MAN2B2: variants seen among roughly 807,000 people sequenced by gnomAD.
MAN2B2 encodes mannosidase alpha class 2B member 2, also known as epididymis-specific alpha-mannosidase.
A neutral mutation model predicts 117.1 loss-of-function variants in MAN2B2; 106 were observed. That is an observed-to-expected ratio of 0.90 (90% confidence interval 0.77 to 1.06). The LOEUF (loss-of-function observed/expected upper bound fraction) is 1.06, where lower values mean the gene tolerates loss of function less well. Among genes scored for constraint, MAN2B2 ranks in the 50% least tolerant of loss-of-function variants. The pLI is 0.00. For synonymous variants in MAN2B2, 544 were observed against 595.1 expected (o/e 0.91, Z 1.25); for missense variants, 1,326 against 1,381.4 (o/e 0.96, Z 0.64).
intron 15 of MAN2B2, among the ~76,000 whole-genome samples, chr4:6,613,763 GAA>G (rs1358043811): frequency 1.5e-5 from 2 of 133,958 alleles, no homozygotes; most frequent in Non-Finnish European, 3.3e-5. Flanking sequence ...GAAAAGAAAA[GAA>G]GAGAGGGAGG....
At position 6,610,062 on chromosome 4, in the gene MAN2B2, A is replaced by T; in HGVS notation, c.2259+12A>T. 6.2e-7 allele frequency: 1 copy of T among 1,613,740 alleles called. No individual in the cohort carries two copies. The highest frequency in any genetic ancestry group is 8.5e-7 in the Non-Finnish European group (1 of 1,179,732). ...ACAGCATCGCCCGGGTATGTCCTGC[A>T]ATGCCCACAAGGCACGCTCCCAATG... On this transcript the variant is annotated intron_variant, in intron 13 of 18. Coordinates refer to ENST00000285599, the MANE Select transcript of MAN2B2 (RefSeq NM_015274.3).
chr4:6,594,494 T>C, intron 6 of MAN2B2, 40 bp from the exon 7 acceptor site: 1 of 1,602,154 alleles, frequency 6.2e-7, no homozygotes, highest in South Asian at 1.1e-5. Flanking sequence ...GCGAGCGCCC[T>C]GCTCCCACGG....
At chr4:6,616,028 T>C (rs547504404) in intron 16 of MAN2B2, among the ~76,000 whole-genome samples, 5 of 152,118 alleles carry the variant, frequency 3.3e-5, no homozygotes, top group Non-Finnish European at 7.4e-5. Flanking sequence ...GGTCTCAAAC[T>C]CCTGACAGCA....
chr4:6,601,180 T>G (rs1324304655), intron 10 of MAN2B2, among the ~76,000 whole-genome samples: 1 of 152,162 alleles, frequency 6.6e-6, no homozygotes, highest in African/African-American at 2.4e-5. Context: ...CTCAGGCAAG[T>G]GCCATACTTA....
At chr4:6,579,854 C>A (rs1726361336) in intron 3 of MAN2B2, among the ~76,000 whole-genome samples, 1 of 152,248 alleles carries the variant, frequency 6.6e-6, no homozygotes, top group Admixed American at 6.5e-5. Flanking sequence ...CACAGTGACA[C>A]CCCAGCCAAT....
At chr4:6,604,801 A>C (rs1193781946) in intron 10 of MAN2B2, among the ~76,000 whole-genome samples, 1 of 152,076 alleles carries the variant, frequency 6.6e-6, no homozygotes, top group East Asian at 1.9e-4. Flanking sequence ...AGGAGCTCCC[A>C]GTTCAGGAGG....
Position 6,587,138 on chromosome 4 carries a change from C to T in MAN2B2, c.534C>T (p.Tyr178=), listed in dbSNP as rs752562540. 1.2e-6 allele frequency: 2 copies of T among 1,613,590 alleles called. No homozygotes were observed. The highest frequency in any genetic ancestry group is 1.7e-6 in the Non-Finnish European group (2 of 1,179,914). The change falls in exon 4 of 19, where the codon TAC becomes TAT. Residue 178 remains tyrosine, a synonymous_variant. Coordinates refer to ENST00000285599, the MANE Select transcript of MAN2B2 (RefSeq NM_015274.3). ...CCCACCTCGGCTCCCGGATCGACTA[C>T]GACCTGAAGGCAGCCATGCAGGAGG... The part of the protein sequence containing the change: ...FNAHLGSRID[Y]DLKAAMQEAR...
intron 7 of MAN2B2, among the ~76,000 whole-genome samples, chr4:6,595,812 C>A (rs981954150): frequency 2.0e-5 from 3 of 152,216 alleles, no homozygotes; most frequent in African/African-American, 2.4e-5. Context: ...CTGGGCACTG[C>A]CTTGACTCAC....
At chr4:6,588,239 G>A (rs1168464152) in intron 4 of MAN2B2, among the ~76,000 whole-genome samples, 1 of 152,176 alleles carries the variant, frequency 6.6e-6, no homozygotes, top group Non-Finnish European at 1.5e-5. Context: ...TCCCTCTGAA[G>A]GTGTGAGGGA....
intron 5 of MAN2B2, among the ~76,000 whole-genome samples, chr4:6,589,819 C>T (rs976993696): frequency 6.6e-6 from 1 of 152,180 alleles, no homozygotes; most frequent in Non-Finnish European, 1.5e-5. Flanking sequence ...GTGCCTCATG[C>T]CTGTAATCCC....
At chr4:6,575,838 C>T (rs1726036347) in intron 1 of MAN2B2, among the ~76,000 whole-genome samples, 1 of 152,230 alleles carries the variant, frequency 6.6e-6, no homozygotes, top group Non-Finnish European at 1.5e-5. Context: ...GCTTTGGTCC[C>T]TAAGCCTCAG....
At chr4:6,615,952 C>T (rs1711842252) in intron 16 of MAN2B2, among the ~76,000 whole-genome samples, 1 of 152,098 alleles carries the variant, frequency 6.6e-6, no homozygotes, top group Non-Finnish European at 1.5e-5. Flanking sequence ...TACAGGTGCC[C>T]ACCACCATGC....
At chr4:6,597,747 G>A (rs924903416) in intron 8 of MAN2B2, among the ~76,000 whole-genome samples, 1 of 152,190 alleles carries the variant, frequency 6.6e-6, no homozygotes, top group South Asian at 2.1e-4. Flanking sequence ...TGGTGCAGTG[G>A]CTGCTGAATA....
intron 3 of MAN2B2, 24 bp from the exon 4 acceptor site, chr4:6,586,972 A>G (rs1446401588): frequency 2.5e-6 from 4 of 1,603,426 alleles, no homozygotes; most frequent in Middle Eastern, 1.7e-4. Context: ...TCCAGGCACC[A>G]GCAGGGTGTT....
chr4:6,579,282 A>ACCCT (rs1560634912), intron 3 of MAN2B2, among the ~76,000 whole-genome samples: 2 of 101,316 alleles, frequency 2.0e-5, no homozygotes, highest in Admixed American at 1.1e-4. Flanking sequence ...CACCACCACC[A>ACCCT]TCACCATCAC....
chr4:6,620,098 A>C (rs1351986514), intron 18 of MAN2B2, 54 bp downstream of exon 18: 1 of 1,461,574 alleles, frequency 6.8e-7, no homozygotes, highest in Non-Finnish European at 9.4e-7. Context: ...CAGGCTCAGC[A>C]GCTGGTCAGA....
At position 6,622,771 on chromosome 4, in the gene MAN2B2, A is replaced by G. The variant is rs1036836513; in HGVS notation, c.*1486A>G. ...TAAAGAGTAAACTGTAAGATGTAGG[A>G]AATTATTTGGTACTCTAGGGCTGAA... is the stretch of plus-strand genomic sequence containing the variant. On this transcript the variant is annotated 3_prime_UTR_variant, in exon 19 of 19. Coordinates refer to ENST00000285599, the MANE Select transcript of MAN2B2 (RefSeq NM_015274.3). The G allele has an allele frequency of 2.2e-4, 32 of 148,328 alleles. 1 individual carries two copies. The highest frequency in any genetic ancestry group is 8.5e-4 in the African/African-American group (32 of 37,858). The allele number at this position is 148,328 out of a possible 1,614,324, so 9.2% of individuals were successfully genotyped here.
rs73796282 is a variant in MAN2B2, at chr4:6,577,188, C to T, written c.285+464C>T. Among the ~76,000 whole-genome samples, 1,065 of 152,274 alleles carry T rather than the reference C, an allele frequency of 7.0e-3. 15 individuals are homozygous for T. Among genetic ancestry groups the T allele is most frequent in the African/African-American group, 0.024 (1,006 of 41,548 alleles). ...TTCATACAGCATGGAGAGTCAGAGT[C>T]CCCGCTGCACAGTGAGGCAGCCTGG... On this transcript the variant is annotated intron_variant, in intron 2 of 18. Coordinates refer to ENST00000285599, the MANE Select transcript of MAN2B2 (RefSeq NM_015274.3).
chr4:6,620,307 G>A (rs1712108742), intron 18 of MAN2B2: 1 of 357,262 alleles, frequency 2.8e-6, no homozygotes, highest in Non-Finnish European at 5.3e-6. Context: ...CGCCCTGCCT[G>A]TGCCCTGGGT....
Sources: allele counts gnomAD v4.1 joint callset (sites outside exome capture counted in the v4.1 genomes callset), GRCh38; gene constraint gnomAD v4.1.1; transcripts MANE v1.5; gene names NCBI Gene and HGNC (gene_info 2026-07-23, HGNC 2026-07-21).